LDLRAD3: variants seen among roughly 807,000 people sequenced by gnomAD.
LDLRAD3 encodes low density lipoprotein receptor class A domain containing 3, also known as low-density lipoprotein receptor class A domain-containing protein 3.
A neutral mutation model predicts 29.4 loss-of-function variants in LDLRAD3; 20 were observed. That is an observed-to-expected ratio of 0.68 (90% CI 0.48 to 0.99). The LOEUF (loss-of-function observed/expected upper bound fraction) is 0.99, where lower values mean the gene tolerates loss of function less well. Among genes scored for constraint, LDLRAD3 ranks in the 50% least tolerant of loss-of-function variants. The pLI is 0.00. For missense variants in LDLRAD3, 420 were observed against 454.3 expected, an observed-to-expected ratio of 0.92 and a Z score of 0.69; for synonymous variants, 157 against 192.7, an observed-to-expected ratio of 0.81 and a Z score of 1.53.
At chr11:36,098,916 T>C (rs1853405287) in intron 4 of LDLRAD3, among the ~76,000 whole-genome samples, 1 of 152,186 alleles carries the variant, frequency 6.6e-6, no homozygotes, top group Non-Finnish European at 1.5e-5. Context: ...TTTACATTGC[T>C]GACATCATTG....
intron 3 of LDLRAD3, 151 bp from the exon 4 acceptor site, chr11:36,098,176 C>T: frequency 3.3e-6 from 3 of 918,170 alleles, no homozygotes; most frequent in South Asian, 1.8e-5. Flanking sequence ...GTTTGGCTGG[C>T]CAGCCTTACA....
chr11:36,041,696 A>C (rs957045241), intron 2 of LDLRAD3, among the ~76,000 whole-genome samples: 1 of 152,104 alleles, frequency 6.6e-6, no homozygotes, highest in Admixed American at 6.5e-5. Context: ...ATCTTTTTCC[A>C]GTTCTGTGTT....
intron 1 of LDLRAD3, among the ~76,000 whole-genome samples, chr11:35,993,288 T>C (rs981777554): frequency 3.1e-4 from 47 of 152,162 alleles, no homozygotes; most frequent in African/African-American, 1.1e-3. Flanking sequence ...CCTTCACCTA[T>C]AGTGTGAATT....
At position 36,229,630 on chromosome 11, in the gene LDLRAD3, G is replaced by C; in HGVS notation, c.*233G>C. On this transcript the variant is annotated 3_prime_UTR_variant, in exon 6 of 6. Coordinates refer to ENST00000315571, the MANE Select transcript of LDLRAD3 (RefSeq NM_174902.4). ...TTTCTGTCAGGTCACTCTTCCCTTG[G>C]GACCCGAGATCACACCCTCATTTTT... The C allele has an allele frequency of 2.2e-6, 1 of 452,148 alleles. No homozygotes were observed. Among genetic ancestry groups the C allele is most frequent in the Non-Finnish European group, 3.9e-6 (1 of 255,760 alleles). The allele number at this position is 452,148 out of a possible 1,614,324, so 28.0% of individuals were successfully genotyped here.
At chr11:36,010,757 C>T (rs907117960) in intron 1 of LDLRAD3, among the ~76,000 whole-genome samples, 2 of 152,164 alleles carry the variant, frequency 1.3e-5, no homozygotes, top group African/African-American at 4.8e-5. Flanking sequence ...GAAATTATTC[C>T]ATGCAGCATT....
At chr11:36,228,612 TCA>T (rs767945762) in intron 5 of LDLRAD3, among the ~76,000 whole-genome samples, 2 of 152,250 alleles carry the variant, frequency 1.3e-5, no homozygotes, top group Non-Finnish European at 2.9e-5. Context: ...AGTGCCTGGC[TCA>T]TGAGAAGCCT....
At chr11:36,004,834 G>A (rs1851864812) in intron 1 of LDLRAD3, among the ~76,000 whole-genome samples, 1 of 152,218 alleles carries the variant, frequency 6.6e-6, no homozygotes, top group South Asian at 2.1e-4. Context: ...CCAACACCAT[G>A]TGAAAGTTGG....
intron 4 of LDLRAD3, among the ~76,000 whole-genome samples, chr11:36,170,251 T>C (rs1259953115): frequency 6.7e-6 from 1 of 149,716 alleles, no homozygotes; most frequent in African/African-American, 2.5e-5. Context: ...TGTGTGTATA[T>C]ATATATACAC....
intron 4 of LDLRAD3, among the ~76,000 whole-genome samples, chr11:36,182,286 A>T (rs16928483): frequency 6.6e-6 from 1 of 152,314 alleles, no homozygotes; most frequent in African/African-American, 2.4e-5. Flanking sequence ...TCCTTTCCAG[A>T]TAGAATATAT....
intron 4 of LDLRAD3, among the ~76,000 whole-genome samples, chr11:36,171,877 A>G (rs1220396705): frequency 6.6e-6 from 1 of 152,150 alleles, no homozygotes; most frequent in Non-Finnish European, 1.5e-5. Flanking sequence ...TAATATATTG[A>G]TGGGAATTAG....
intron 4 of LDLRAD3, among the ~76,000 whole-genome samples, chr11:36,187,034 A>G (rs980526277): frequency 5.9e-5 from 9 of 152,172 alleles, no homozygotes; most frequent in African/African-American, 2.2e-4. Flanking sequence ...GCACGTCTCT[A>G]GCAGATGTGT....
chr11:36,190,782 C>G (rs990811491), intron 4 of LDLRAD3, among the ~76,000 whole-genome samples: 3 of 152,034 alleles, frequency 2.0e-5, no homozygotes, highest in African/African-American at 4.8e-5. Flanking sequence ...TATGAAATTT[C>G]AGAACATTGG....
chr11:36,193,945 T>G (rs1526055), intron 4 of LDLRAD3, among the ~76,000 whole-genome samples: 43,005 of 152,020 alleles, frequency 0.28, 6,145 homozygotes, highest in African/African-American at 0.33. Flanking sequence ...AAATAGGAAT[T>G]TATAAACTGG....
At chr11:36,101,885 CTTTTTTTTTT>C in intron 4 of LDLRAD3, 1 of 224,082 alleles carries the variant, frequency 4.5e-6, no homozygotes. Context: ...CCACTGTCAT[CTTTTTTTTTT>C]TTTTTTTTTT....
chr11:36,118,837 A>G (rs989439512), intron 4 of LDLRAD3, among the ~76,000 whole-genome samples: 5 of 151,978 alleles, frequency 3.3e-5, no homozygotes, highest in African/African-American at 7.3e-5. Context: ...GTCATTCCCT[A>G]TGAACTCCCT....
intron 1 of LDLRAD3, among the ~76,000 whole-genome samples, chr11:35,958,484 T>A (rs1851234319): frequency 6.6e-6 from 1 of 152,140 alleles, no homozygotes; most frequent in Admixed American, 6.5e-5. Flanking sequence ...GCCGTAGTAG[T>A]CCCCACTCAC....
At chr11:36,199,298 G>A (rs957928876) in intron 4 of LDLRAD3, among the ~76,000 whole-genome samples, 4 of 152,168 alleles carry the variant, frequency 2.6e-5, no homozygotes, top group Non-Finnish European at 5.9e-5. Flanking sequence ...AGAGACTCCC[G>A]AATCTTAGGA....
chr11:36,019,551 G>A (rs1346576133), intron 1 of LDLRAD3, among the ~76,000 whole-genome samples: 2 of 152,130 alleles, frequency 1.3e-5, no homozygotes, highest in African/African-American at 4.8e-5. Flanking sequence ...AAGGGCCTGG[G>A]TCCCAGCACT....
chr11:36,007,161 T>C (rs900416324), intron 1 of LDLRAD3, among the ~76,000 whole-genome samples: 1 of 152,232 alleles, frequency 6.6e-6, no homozygotes, highest in African/African-American at 2.4e-5. Context: ...GAGTTGCTCA[T>C]AGCTTTCCAG....
Sources: gnomAD v4.1 joint callset for allele counts (sites outside exome capture counted in the v4.1 genomes callset) on GRCh38, gnomAD v4.1.1 for gene constraint, MANE v1.5 for transcripts, NCBI Gene and HGNC (gene_info 2026-07-23, HGNC 2026-07-21) for gene names.